Variants in DAB2IP observed in about 807,000 individuals in gnomAD.
The protein encoded by DAB2IP is disabled homolog 2-interacting protein.
A neutral mutation model predicts 107.2 loss-of-function variants in DAB2IP; 28 were observed. The observed-to-expected ratio is 0.26, with a 90% CI of 0.19 to 0.36. DAB2IP has a LOEUF of 0.36. Among genes scored for constraint, DAB2IP ranks in the 10% least tolerant of loss-of-function variants. The pLI, the probability that DAB2IP is intolerant of heterozygous loss-of-function variation, is 1.00. For synonymous variants in DAB2IP, 755 were observed against 706.4 expected, an observed-to-expected ratio of 1.07 and a Z score of -1.09; for missense variants, 1,400 against 1,644.7, an observed-to-expected ratio of 0.85 and a Z score of 2.57.
chr9:121,616,102 T>C (rs567904490), intron 1 of DAB2IP, among the ~76,000 whole-genome samples: 1 of 152,254 alleles, frequency 6.6e-6, no homozygotes, highest in South Asian at 2.1e-4. Flanking sequence ...GCCCTGTCCC[T>C]GGGCCTGGGA....
chr9:121,721,847 G>T (rs886444962), intron 3 of DAB2IP, among the ~76,000 whole-genome samples: 2 of 152,194 alleles, frequency 1.3e-5, no homozygotes, highest in Admixed American at 1.3e-4. Context: ...GGACAGAGGG[G>T]TGGTGGTGGG....
chr9:121,734,429 G>C (rs939136699), intron 3 of DAB2IP, among the ~76,000 whole-genome samples: 1 of 152,208 alleles, frequency 6.6e-6, no homozygotes, highest in Non-Finnish European at 1.5e-5. Context: ...CCTGCAAGCG[G>C]TTATGCAGAC....
intron 3 of DAB2IP, among the ~76,000 whole-genome samples, chr9:121,724,802 G>A (rs192838906): frequency 1.3e-5 from 2 of 152,114 alleles, no homozygotes; most frequent in Non-Finnish European, 2.9e-5. Context: ...TCTGAGCCCT[G>A]TCTCAGCCAG....
At position 121,772,974 on chromosome 9, in the gene DAB2IP, G is replaced by A. The variant is rs34458419; in HGVS notation, c.2446G>A (p.Ala816Thr). ...AACCACACCAGGCACCTCCGAGGGC[G>A]CGCCAGGCCGGCCCCAGCTGTTGGC... The change falls in exon 12 of 16, where the codon GCG becomes ACG. Residue 816 changes from alanine (A) to threonine (T), a missense_variant. By Grantham distance (58) the Ala-to-Thr change is moderately conservative. This residue lies in a region of DAB2IP where 600 missense variants were observed against 659.1 expected (regional missense o/e 0.91). Transcript: ENST00000408936. The surrounding 1 kb of genome is among the most constrained non-coding windows in gnomAD (Gnocchi z 4.7). 6,242 of 1,599,732 alleles carry A rather than the reference G, an allele frequency of 3.9e-3. 175 individuals carry two copies. The African/African-American group carries it at 0.063, about 16-fold the overall frequency.
intron 10 of DAB2IP, among the ~76,000 whole-genome samples, chr9:121,769,810 G>T (rs1834563983): frequency 6.6e-6 from 1 of 152,186 alleles, no homozygotes; most frequent in Admixed American, 6.5e-5. Context: ...GCACAACCAG[G>T]CAGGAAGAAT....
chr9:121,679,593 T>G (rs1368072439), intron 2 of DAB2IP, among the ~76,000 whole-genome samples: 4 of 152,058 alleles, frequency 2.6e-5, no homozygotes. Flanking sequence ...GTAGGTCAGG[T>G]GGATGTTGGA....
intron 1 of DAB2IP, among the ~76,000 whole-genome samples, chr9:121,582,670 C>A (rs763285600): frequency 3.9e-5 from 6 of 152,188 alleles, no homozygotes; most frequent in Non-Finnish European, 8.8e-5. Context: ...TATGCTTCAG[C>A]CAAATCTAGC....
rs1829787010 is a variant in DAB2IP at position 121,701,604 on chromosome 9, A to T, written c.362+2146A>T. Reference sequence around the variant, plus strand: ...TCTCTCTACCCAGCCTTGGAGCTGAAATAGGCTTTCCCAGGACTGGGGTCT... The same window carrying T: ...TCTCTCTACCCAGCCTTGGAGCTGATATAGGCTTTCCCAGGACTGGGGTCT... On this transcript the variant is annotated intron_variant, in intron 3 of 15. Coordinates refer to ENST00000408936, the Ensembl canonical transcript of DAB2IP. This position sits in a 1 kb window ranked among gnomAD's most constrained non-coding sequence, Gnocchi z 4.7. Among the ~76,000 whole-genome samples the T allele has an allele frequency of 6.6e-6, 1 of 152,174 alleles. No individual in the cohort carries two copies. The highest frequency in any genetic ancestry group is 2.4e-5 in the African/African-American group (1 of 41,444).
Position 121,772,473 on chromosome 9 carries a change from T to C in DAB2IP, c.2079-134T>C. On this transcript the variant is annotated intron_variant, in intron 11 of 15. Coordinates refer to ENST00000408936, the Ensembl canonical transcript of DAB2IP. This position sits in a 1 kb window ranked among gnomAD's most constrained non-coding sequence, Gnocchi z 4.7. The stretch of plus-strand genomic sequence containing the variant: ...CTCCCACTCCTGCCACCCCAGCGCA[T>C]CCATCTCCCCAGCGCTGGCTCAGGC... 1.1e-6 allele frequency: 1 copy of C among 936,258 alleles called. No homozygotes were observed. Among genetic ancestry groups the C allele is most frequent in the Non-Finnish European group, 1.6e-6 (1 of 616,106 alleles). 58.0% of individuals were successfully genotyped at this position (936,258 alleles called of 1,614,324 possible). A position where few individuals can be genotyped will look rare whatever the true frequency, so the allele number is the denominator to read the frequency against.
chr9:121,675,983 A>T (rs1833885950), intron 1 of DAB2IP, among the ~76,000 whole-genome samples: 1 of 152,250 alleles, frequency 6.6e-6, no homozygotes, highest in South Asian at 2.1e-4. Context: ...GTCCAAGGAA[A>T]GTTCTAAGCA....
Position 121,651,897 on chromosome 9 carries a change from G to T in DAB2IP, c.122G>T (p.Arg41Met). 1 of 1,398,918 alleles carries T rather than the reference G, an allele frequency of 7.1e-7. No homozygotes were observed. Among genetic ancestry groups the T allele is most frequent in the Non-Finnish European group, 9.3e-7 (1 of 1,069,636 alleles). The allele number at this position is 1,398,918 out of a possible 1,614,324, so 86.7% of individuals were successfully genotyped here. A position where few individuals can be genotyped will look rare whatever the true frequency, so the allele number is the denominator to read the frequency against. The stretch of plus-strand genomic sequence containing the variant: ...TCCCGCAGCCGGACCCGGCCTGCCA[G>T]GGGTAGGCGCCACCCCGACCCCTGA... The change falls in exon 1 of 16, where the codon AGG (arginine) becomes ATG (methionine). Residue 41 changes from arginine (R) to methionine (M), a missense_variant and splice_region_variant. Around this residue, in one of 3 missense-constraint regions of DAB2IP, gnomAD observed 283 missense variants for 237.0 expected, o/e 1.19. Coordinates refer to ENST00000408936, the Ensembl canonical transcript of DAB2IP. The surrounding 1 kb of genome is among the most constrained non-coding windows in gnomAD (Gnocchi z 5.1).
chr9:121,591,188 G>A (rs1830416039), intron 1 of DAB2IP, among the ~76,000 whole-genome samples: 1 of 152,228 alleles, frequency 6.6e-6, no homozygotes, highest in Non-Finnish European at 1.5e-5. Flanking sequence ...TGAGGCTAGG[G>A]CCAGGCATGG....
At chr9:121,693,554 G>A (rs556262261) in intron 2 of DAB2IP, among the ~76,000 whole-genome samples, 3 of 152,364 alleles carry the variant, frequency 2.0e-5, no homozygotes, top group Admixed American at 6.5e-5. Context: ...CTCTCTCTTT[G>A]GGGATGGGCC....
At chr9:121,715,939 T>C (rs530416136) in intron 3 of DAB2IP, among the ~76,000 whole-genome samples, 1 of 152,340 alleles carries the variant, frequency 6.6e-6, no homozygotes, top group East Asian at 1.9e-4. Flanking sequence ...AGGCATTTCC[T>C]GTGGGCATTA....
At chr9:121,612,766 G>A (rs1416643141) in intron 1 of DAB2IP, among the ~76,000 whole-genome samples, 1 of 152,158 alleles carries the variant, frequency 6.6e-6, no homozygotes, top group Non-Finnish European at 1.5e-5. Context: ...ACGTGTTGGT[G>A]GGGGGAGGTA....
At chr9:121,579,936 A>T (rs1177882552) in intron 1 of DAB2IP, among the ~76,000 whole-genome samples, 1 of 152,126 alleles carries the variant, frequency 6.6e-6, no homozygotes, top group East Asian at 1.9e-4. Context: ...GGGTCGGGGG[A>T]AGGAAACCTC....
rs1170687909 is a variant in DAB2IP at position 121,698,576 on chromosome 9, G to A, written c.229-749G>A. 6.6e-6 allele frequency among the ~76,000 whole-genome samples: 1 copy of A among 152,194 alleles called. No individual in the cohort carries two copies. The highest frequency in any genetic ancestry group is 1.5e-5 in the Non-Finnish European group (1 of 68,026). ...AGCCCCTCGGGCCCCTCCCTGAGCT[G>A]AGCACTAGGGATCCCGTCCCGCAAG... On this transcript the variant is annotated intron_variant, in intron 2 of 15. Coordinates refer to ENST00000408936, the Ensembl canonical transcript of DAB2IP. The surrounding 1 kb of genome is among the most constrained non-coding windows in gnomAD (Gnocchi z 4.1).
At position 121,651,899 on chromosome 9, in the gene DAB2IP, G is replaced by GT; in HGVS notation, c.124_124+1insT (p.Glu42ValfsTer79). 7.2e-7 allele frequency: 1 copy of GT among 1,396,148 alleles called. No homozygotes were observed. The allele number at this position is 1,396,148 out of a possible 1,614,324, so 86.5% of individuals were successfully genotyped here. A position where few individuals can be genotyped will look rare whatever the true frequency, so the allele number is the denominator to read the frequency against. ...CCGCAGCCGGACCCGGCCTGCCAGG[G>GT]GTAGGCGCCACCCCGACCCCTGACC... On this transcript the variant is annotated frameshift_variant and splice_region_variant. Coordinates refer to ENST00000408936, the Ensembl canonical transcript of DAB2IP. LOFTEE classifies it high-confidence loss of function. This position sits in a 1 kb window ranked among gnomAD's most constrained non-coding sequence, Gnocchi z 5.1.
chr9:121,610,746 G>C (rs968566033), intron 1 of DAB2IP, among the ~76,000 whole-genome samples: 1 of 152,154 alleles, frequency 6.6e-6, no homozygotes, highest in African/African-American at 2.4e-5. Context: ...TCAGAGGGGG[G>C]CGCAGAGGAG....
Sources: gnomAD v4.1 joint callset for allele counts (sites outside exome capture counted in the v4.1 genomes callset) on GRCh38, gnomAD v4.1.1 for gene constraint, gnomAD v4.1.1 regional missense constraint, Gnocchi (gnomAD v3.1) non-coding constraint, MANE v1.5 for transcripts, NCBI Gene and HGNC (gene_info 2026-07-23, HGNC 2026-07-21) for gene names.